The following MAGI2 variants were observed in gnomAD, a reference collection of about 807,000 sequenced individuals.
MAGI2 encodes membrane-associated guanylate kinase, WW and PDZ domain-containing protein 2.
In MAGI2, 35 loss-of-function variants were observed where a neutral mutation model predicts 133.3. The observed-to-expected ratio is 0.26, with a 90% CI of 0.20 to 0.35. The LOEUF (loss-of-function observed/expected upper bound fraction) is 0.35. Ranked by LOEUF, MAGI2 falls within the 10% of genes least tolerant of loss-of-function variation. The probability of loss-of-function intolerance (pLI) is 1.00; values close to 1 mark genes in which losing one functional copy is unlikely to be tolerated. For missense variants in MAGI2, 1,636 were observed against 1,863.4 expected (o/e 0.88, Z 2.25); for synonymous variants, 729 against 710.6 (o/e 1.03, Z -0.41).
chr7:78,338,108 TTTTA>T lies in MAGI2; in HGVS notation c.1408+5666_1408+5669del, dbSNP rs1789964861. 2.0e-5 allele frequency among the ~76,000 whole-genome samples: 3 copies of T among 152,354 alleles called. No homozygotes were observed. In the South Asian group the frequency reaches 6.2e-4, roughly 32 times the overall value. On this transcript the variant is annotated intron_variant, in intron 9 of 21. Coordinates refer to ENST00000354212, the MANE Select transcript of MAGI2 (RefSeq NM_012301.4). ...ATGTGTATTTGTGATATTTTGGTTTTTTTATTTGAGGATATATGACTCTATACTG... is the reference window on the plus strand; with the variant it reads ...ATGTGTATTTGTGATATTTTGGTTTTTTTGAGGATATATGACTCTATACTG...
At chr7:79,124,753 GC>G (rs148926994) in intron 1 of MAGI2, 3,010 of 158,168 alleles carry the variant, frequency 0.019, 108 homozygotes, top group African/African-American at 0.069. Context: ...CTCCTAAAGA[GC>G]CTGAAAACCT....
chr7:78,278,834 G>A (rs1268951685), intron 9 of MAGI2, among the ~76,000 whole-genome samples: 2 of 152,084 alleles, frequency 1.3e-5, no homozygotes, highest in Admixed American at 1.3e-4. Flanking sequence ...CAGCCCTCAC[G>A]ATTTGTGTGA....
At chr7:78,996,118 A>G (rs1806285854) in intron 2 of MAGI2, among the ~76,000 whole-genome samples, 1 of 152,188 alleles carries the variant, frequency 6.6e-6, no homozygotes, top group South Asian at 2.1e-4. Flanking sequence ...AGACCCACCA[A>G]CCATTCTCCC....
intron 3 of MAGI2, among the ~76,000 whole-genome samples, chr7:78,603,768 G>A (rs575597540): frequency 2.0e-5 from 3 of 152,150 alleles, no homozygotes; most frequent in Admixed American, 6.5e-5. Flanking sequence ...TGATTTATCC[G>A]CCTCAGCCTC....
rs1447180552 is a variant in MAGI2, at chr7:78,557,863, C to T, written c.539-36218G>A. Among the ~76,000 whole-genome samples the T allele has an allele frequency of 2.0e-5, 3 of 152,032 alleles. No homozygotes were observed. In the East Asian group the frequency reaches 5.8e-4, roughly 29 times the overall value. On this transcript the variant is annotated intron_variant, in intron 3 of 21. Coordinates refer to ENST00000354212, the MANE Select transcript of MAGI2 (RefSeq NM_012301.4). ...TATTTAAAATACAATTGAACATGTACATGTAAGAAAAGGATTTCAAACTTA... is the reference window on the plus strand; with the variant it reads ...TATTTAAAATACAATTGAACATGTATATGTAAGAAAAGGATTTCAAACTTA...
intron 6 of MAGI2, among the ~76,000 whole-genome samples, chr7:78,403,081 G>A (rs559081767): frequency 6.6e-5 from 10 of 152,124 alleles, no homozygotes; most frequent in African/African-American, 1.2e-4. Context: ...TACACGTGCC[G>A]TGTTGGTGTG....
intron 2 of MAGI2, among the ~76,000 whole-genome samples, chr7:78,709,094 G>C (rs1208701834): frequency 6.6e-6 from 1 of 151,896 alleles, no homozygotes; most frequent in Admixed American, 6.6e-5. Flanking sequence ...CCAATGAATT[G>C]ATCTATAGAA....
chr7:79,429,970 C>T (rs551496793), intron 1 of MAGI2, among the ~76,000 whole-genome samples: 1 of 151,844 alleles, frequency 6.6e-6, no homozygotes, highest in African/African-American at 2.4e-5. Context: ...TGGTGCTAAT[C>T]GATGAAAAAT....
chr7:79,199,489 G>GCCT (rs1828397025), intron 1 of MAGI2, among the ~76,000 whole-genome samples: 1 of 151,978 alleles, frequency 6.6e-6, no homozygotes, highest in Non-Finnish European at 1.5e-5. Flanking sequence ...GAGAGATTAT[G>GCCT]CAACTTTTCT....
chr7:79,330,047 T>C (rs1881293), intron 1 of MAGI2, among the ~76,000 whole-genome samples: 23,301 of 152,026 alleles, frequency 0.15, 1,880 homozygotes, highest in South Asian at 0.25. Flanking sequence ...TAGCAGATAC[T>C]CCAAGTATAG....
intron 2 of MAGI2, among the ~76,000 whole-genome samples, chr7:78,970,563 T>C (rs927991012): frequency 7.0e-6 from 1 of 143,824 alleles, no homozygotes; most frequent in African/African-American, 2.9e-5. Context: ...GGAAACTACA[T>C]TTTTTTTTCC....
intron 6 of MAGI2, among the ~76,000 whole-genome samples, chr7:78,418,991 T>C (rs1009843410): frequency 1.3e-5 from 2 of 152,104 alleles, no homozygotes; most frequent in African/African-American, 2.4e-5. Context: ...AAAATGATAA[T>C]AAATTGCCTG....
intron 4 of MAGI2, among the ~76,000 whole-genome samples, chr7:78,505,220 G>A (rs2150536808): frequency 6.6e-6 from 1 of 152,020 alleles, no homozygotes; most frequent in East Asian, 1.9e-4. Context: ...TCCCCTCTCT[G>A]CATCAATCTA....
chr7:78,677,313 T>C (rs573696837), intron 2 of MAGI2, among the ~76,000 whole-genome samples: 6 of 151,254 alleles, frequency 4.0e-5, no homozygotes, highest in African/African-American at 1.4e-4. Context: ...GATTTATATA[T>C]ATAATTATAT....
At chr7:79,299,373 G>C (rs1585480043) in intron 1 of MAGI2, among the ~76,000 whole-genome samples, 1 of 151,736 alleles carries the variant, frequency 6.6e-6, no homozygotes, top group African/African-American at 2.4e-5. Flanking sequence ...AGTTGTTTAT[G>C]GTCAGGAGAT....
intron 6 of MAGI2, among the ~76,000 whole-genome samples, chr7:78,468,697 A>G (rs1256527302): frequency 6.6e-6 from 1 of 152,162 alleles, no homozygotes; most frequent in Non-Finnish European, 1.5e-5. Flanking sequence ...GGAAATATAT[A>G]GCTACTGGTT....
At chr7:78,913,117 A>G (rs1263455780) in intron 2 of MAGI2, among the ~76,000 whole-genome samples, 4 of 152,160 alleles carry the variant, frequency 2.6e-5, no homozygotes, top group East Asian at 3.9e-4. Flanking sequence ...AAAGCCTTCT[A>G]TATTGGACTA....
At chr7:78,710,025 T>C (rs1027511994) in intron 2 of MAGI2, among the ~76,000 whole-genome samples, 2 of 152,128 alleles carry the variant, frequency 1.3e-5, no homozygotes, top group Admixed American at 1.3e-4. Flanking sequence ...GTTACTAACA[T>C]ATCCAGGAGG....
At chr7:79,357,109 C>T (rs1392401003) in intron 1 of MAGI2, among the ~76,000 whole-genome samples, 1 of 152,188 alleles carries the variant, frequency 6.6e-6, no homozygotes, top group Non-Finnish European at 1.5e-5. Flanking sequence ...ATCTGACAGT[C>T]AGGCTTGTTT....
Sources: allele counts gnomAD v4.1 joint callset (sites outside exome capture counted in the v4.1 genomes callset), GRCh38; gene constraint gnomAD v4.1.1; transcripts MANE v1.5; gene names NCBI Gene and HGNC (gene_info 2026-07-23, HGNC 2026-07-21).